Variants in ACVR2A observed in about 807,000 individuals in gnomAD.
ACVR2A encodes activin A receptor type 2A, also known as activin receptor type-2A.
In ACVR2A, 7 loss-of-function variants were observed where a neutral mutation model predicts 61.4. That is an observed-to-expected ratio of 0.11 (90% CI 0.06 to 0.21). The LOEUF is 0.21. ACVR2A is among the 10% of genes least tolerant of loss of function. ACVR2A has a pLI of 1.00. For missense variants in ACVR2A, 322 were observed against 621.7 expected (o/e 0.52, Z 5.13); for synonymous variants, 193 against 208.3 (o/e 0.93, Z 0.63).
intron 1 of ACVR2A, among the ~76,000 whole-genome samples, chr2:147,874,678 T>C (rs950095419): frequency 7.2e-5 from 11 of 151,936 alleles, no homozygotes; most frequent in Non-Finnish European, 1.2e-4. Flanking sequence ...CACATCCAAT[T>C]GGAGAACCAC....
chr2:147,873,486 A>G (rs1299684698), intron 1 of ACVR2A, among the ~76,000 whole-genome samples: 4 of 151,930 alleles, frequency 2.6e-5, no homozygotes, highest in African/African-American at 7.2e-5. Flanking sequence ...TAGGACTCTA[A>G]CTATACATGG....
At chr2:147,874,481 G>A (rs1028712810) in intron 1 of ACVR2A, among the ~76,000 whole-genome samples, 6 of 151,926 alleles carry the variant, frequency 3.9e-5, no homozygotes, top group Non-Finnish European at 7.4e-5. Flanking sequence ...GCAGTTTTCA[G>A]AGTTCAGCTT....
At chr2:147,868,453 C>G (rs6711374) in intron 1 of ACVR2A, among the ~76,000 whole-genome samples, 1 of 152,066 alleles carries the variant, frequency 6.6e-6, no homozygotes, top group Non-Finnish European at 1.5e-5. Context: ...CCTTTTTTCC[C>G]CTGTAGCAGT....
intron 4 of ACVR2A, among the ~76,000 whole-genome samples, chr2:147,903,449 A>G (rs946846045): frequency 6.6e-6 from 1 of 151,898 alleles, no homozygotes; most frequent in Non-Finnish European, 1.5e-5. Flanking sequence ...GATTATTTCT[A>G]TAATCTCAAA....
At chr2:147,858,479 T>C (rs1351271891) in intron 1 of ACVR2A, among the ~76,000 whole-genome samples, 1 of 152,206 alleles carries the variant, frequency 6.6e-6, no homozygotes, top group Non-Finnish European at 1.5e-5. Context: ...TCCATCCTTA[T>C]CTTTTGCGGT....
chr2:147,926,571 T>G (rs768206174), intron 10 of ACVR2A, among the ~76,000 whole-genome samples: 63 of 151,974 alleles, frequency 4.1e-4, no homozygotes, highest in Non-Finnish European at 7.8e-4. Flanking sequence ...TAATTTCGGC[T>G]TAGACTTTCA....
At chr2:147,886,111 G>A (rs1686425249) in intron 1 of ACVR2A, among the ~76,000 whole-genome samples, 1 of 151,982 alleles carries the variant, frequency 6.6e-6, no homozygotes, top group Non-Finnish European at 1.5e-5. Context: ...AATTTTCCAA[G>A]TACCTAAAAT....
chr2:147,854,557 T>C (rs1302291462), intron 1 of ACVR2A, among the ~76,000 whole-genome samples: 1 of 152,204 alleles, frequency 6.6e-6, no homozygotes, highest in Non-Finnish European at 1.5e-5. Flanking sequence ...ATTCCTACTT[T>C]CCTACTGACT....
At chr2:147,913,038 A>G (rs369172990) in intron 4 of ACVR2A, among the ~76,000 whole-genome samples, 2 of 151,924 alleles carry the variant, frequency 1.3e-5, no homozygotes, top group East Asian at 3.9e-4. Flanking sequence ...TGTTAAACAG[A>G]GCCTTGGGAA....
intron 1 of ACVR2A, among the ~76,000 whole-genome samples, chr2:147,865,741 T>G (rs1685835593): frequency 1.3e-5 from 2 of 152,192 alleles, no homozygotes; most frequent in African/African-American, 2.4e-5. Flanking sequence ...ATGTCACAAC[T>G]GGGAGAAGAG....
intron 1 of ACVR2A, among the ~76,000 whole-genome samples, chr2:147,857,283 A>G (rs1247845168): frequency 6.6e-6 from 1 of 152,118 alleles, no homozygotes; most frequent in Non-Finnish European, 1.5e-5. Flanking sequence ...TGTAGTTTCT[A>G]GTTAGTCTAG....
intron 8 of ACVR2A, among the ~76,000 whole-genome samples, chr2:147,921,970 CAT>C (rs945288814): frequency 9.2e-5 from 14 of 151,970 alleles, no homozygotes; most frequent in African/African-American, 3.4e-4. Context: ...ACAAAGAACA[CAT>C]ATAAAAGAGG....
chr2:147,922,360 A>T (rs1452974880), intron 8 of ACVR2A, among the ~76,000 whole-genome samples: 1 of 152,104 alleles, frequency 6.6e-6, no homozygotes, highest in African/African-American at 2.4e-5. Context: ...GTTGTGATGT[A>T]CCCAGCTATC....
At chr2:147,883,712 C>G (rs911288726) in intron 1 of ACVR2A, among the ~76,000 whole-genome samples, 1 of 152,062 alleles carries the variant, frequency 6.6e-6, no homozygotes, top group Non-Finnish European at 1.5e-5. Flanking sequence ...GTATTTAAAG[C>G]TACTCTAATA....
intron 1 of ACVR2A, among the ~76,000 whole-genome samples, chr2:147,864,072 G>C (rs1035552158): frequency 1.3e-5 from 2 of 152,142 alleles, no homozygotes; most frequent in African/African-American, 4.8e-5. Context: ...CCTGTTTCCT[G>C]TGTTGGGTGA....
intron 1 of ACVR2A, among the ~76,000 whole-genome samples, chr2:147,850,991 T>G (rs1361398062): frequency 6.6e-6 from 1 of 152,138 alleles, no homozygotes; most frequent in Non-Finnish European, 1.5e-5. Flanking sequence ...TGAGCTGTGG[T>G]GTCAGTGCTG....
At chr2:147,912,421 G>T (rs1573703706) in intron 4 of ACVR2A, among the ~76,000 whole-genome samples, 1 of 151,882 alleles carries the variant, frequency 6.6e-6, no homozygotes, top group South Asian at 2.1e-4. Flanking sequence ...ATCCTTCTAG[G>T]TGCCTCTCAG....
chr2:147,875,992 A>G (rs1358089144), intron 1 of ACVR2A, among the ~76,000 whole-genome samples: 2 of 152,140 alleles, frequency 1.3e-5, no homozygotes, highest in Non-Finnish European at 2.9e-5. Context: ...TTATGTGGCA[A>G]AATAAACAGG....
chr2:147,922,984 G>T lies in ACVR2A; in HGVS notation c.1089G>T (p.Arg363=). ...AGDTHGQVGT[R]RYMAPEVLEG... ...AACATCTTTTTCAGGTTGGTACCCG[G>T]AGGTACATGGCTCCAGAGGTATTAG... Residue 363 remains arginine, a synonymous_variant, in exon 9 of 11, where the codon CGG becomes CGT. Transcript: ENST00000241416. 6.2e-7 allele frequency: 1 copy of T among 1,609,280 alleles called. No homozygotes were observed. The highest frequency in any genetic ancestry group is 1.7e-5 in the Admixed American group (1 of 58,778).
Sources: allele counts gnomAD v4.1 joint callset (sites outside exome capture counted in the v4.1 genomes callset), GRCh38; gene constraint gnomAD v4.1.1; transcripts MANE v1.5; gene names NCBI Gene and HGNC (gene_info 2026-07-23, HGNC 2026-07-21).